The following CAPN10 variants were observed in gnomAD, a reference collection of about 807,000 sequenced individuals.
CAPN10 encodes calpain 10, also known as calpain-10.
CAPN10 carries 71 observed loss-of-function variants against 78.4 expected under a neutral mutation model. The observed-to-expected ratio is 0.91, with a 90% CI of 0.75 to 1.10. The LOEUF is 1.10. Ranked by LOEUF, CAPN10 falls within the 50% of genes least tolerant of loss-of-function variation. CAPN10 has a pLI of 0.00. For synonymous variants in CAPN10, 437 were observed against 407.2 expected (o/e 1.07, Z -0.88); for missense variants, 849 against 924.6 (o/e 0.92, Z 1.06).
In CAPN10 at chr2:240,598,631, C is replaced by T. The variant is rs369945902; in HGVS notation, c.1990-20C>T. 8.3e-5 allele frequency: 131 copies of T among 1,571,544 alleles called. No individual in the cohort carries two copies. The highest frequency in any genetic ancestry group is 1.2e-4 in the East Asian group (5 of 43,354). ...GGGGCGAGTGCCACCGCTGCCCGGG[C>T]CCCCCATCTGTCTTTGCAGGTCTCC... On this transcript the variant is annotated intron_variant, in intron 11 of 11. Transcript: ENST00000391984.
Position 240,591,987 on chromosome 2 carries a change from G to A in CAPN10, c.525G>A (p.Val175=). 1 of 1,613,538 alleles carries A rather than the reference G, an allele frequency of 6.2e-7. No homozygotes were observed. Among genetic ancestry groups the A allele is most frequent in the Non-Finnish European group, 8.5e-7 (1 of 1,180,010 alleles). ...LWAGQVADAL[V]DLTGGLAERW... ...CCGGGCAGGTGGCGGATGCCCTGGT[G>A]GACCTGACCGGCGGCCTGGCAGAAA... The change falls in exon 4 of 12, where the codon GTG becomes GTA. Residue 175 remains valine, a synonymous_variant. Coordinates refer to ENST00000391984, the MANE Select transcript of CAPN10 (RefSeq NM_023083.4).
chr2:240,592,043 G>A lies in CAPN10; in HGVS notation c.581G>A (p.Gly194Glu), dbSNP rs747279835. 6.2e-7 allele frequency: 1 copy of A among 1,612,436 alleles called. No individual in the cohort carries two copies. The highest frequency in any genetic ancestry group is 1.3e-5 in the African/African-American group (1 of 75,052). The change falls in exon 4 of 12, where the codon GGA becomes GAA. Residue 194 changes from glycine to glutamate, a missense_variant. By Grantham distance (98) the Gly-to-Glu change is moderately conservative (BLOSUM62 -2). Transcript: ENST00000391984. ...RWNLKGVAGS[G>E]GQQDRPGRWE... ...AACCTGAAGGGCGTAGCAGGAAGCG[G>A]AGGCCAGCAGGACAGGCCAGGCCGC...
At position 240,593,958 on chromosome 2, in the gene CAPN10, G is replaced by A; in HGVS notation, c.741G>A (p.Glu247=). 6.2e-7 allele frequency: 1 copy of A among 1,610,746 alleles called. No homozygotes were observed. The highest frequency in any genetic ancestry group is 8.5e-7 in the Non-Finnish European group (1 of 1,177,782). ...FHAFIVSDLR[E]LQGQAGQCIL... ...CCTTCATTGTCTCGGACCTGCGGGA[G>A]CTCCAGGGTCAGGCGGGCCAGTGCA... is the stretch of plus-strand genomic sequence containing the variant. Residue 247 remains glutamate (E), a synonymous_variant, in exon 5 of 12, where the codon GAG becomes GAA. Transcript: ENST00000391984.
intron 11 of CAPN10, 67 bp from the exon 12 acceptor site, chr2:240,598,584 C>A: frequency 6.6e-7 from 1 of 1,522,504 alleles, no homozygotes; most frequent in Non-Finnish European, 8.9e-7. Flanking sequence ...TCCCTGGCTG[C>A]ACTCGGGGTG....
At chr2:240,594,195 G>A in intron 5 of CAPN10, 148 bp downstream of exon 5, 5 of 880,796 alleles carry the variant, frequency 5.7e-6, no homozygotes, top group Non-Finnish European at 6.6e-6. Context: ...CACCATGCTT[G>A]TCTTGGCTCC....
In CAPN10 at chr2:240,595,277, C is replaced by G; in HGVS notation, c.1251C>G (p.Tyr417Ter). 1.9e-6 allele frequency: 3 copies of G among 1,613,526 alleles called. No homozygotes were observed. The highest frequency in any genetic ancestry group is 2.5e-6 in the Non-Finnish European group (3 of 1,180,030). ...CAGCGAGCATCCCGGGCAAGCACTA[C>G]CAGGCTGTGGGTCTGCACCTCTGGA... ...WSPASIPGKH[Y>*]QAVGLHLWKV... is the part of the protein sequence containing the mutation. The change falls in exon 7 of 12, where the codon TAC becomes TAG. Residue 417 changes from tyrosine (Y) to a stop codon, truncating the protein, a stop_gained. Transcript: ENST00000391984. LOFTEE classifies it high-confidence loss of function.
Position 240,596,455 on chromosome 2 carries a change from C to T in CAPN10, c.1415C>T (p.Thr472Ile). The stretch of plus-strand genomic sequence containing the variant: ...GGCTACTACCTGGCTGTCCCCAGCA[C>T]CTTCCTGAAGGACGCGCCAGGGGAG... ...SPGYYLAVPS[T>I]FLKDAPGEFL... The change falls in exon 8 of 12, where the codon ACC becomes ATC. Residue 472 changes from threonine (T) to isoleucine (I), a missense_variant. Thr to Ile is a moderately conservative substitution (Grantham distance 89). Coordinates refer to ENST00000391984, the MANE Select transcript of CAPN10 (RefSeq NM_023083.4). 1 of 1,613,526 alleles carries T rather than the reference C, an allele frequency of 6.2e-7. No homozygotes were observed.
At chr2:240,592,429 C>G (rs907277283) in intron 4 of CAPN10, 10 of 686,122 alleles carry the variant, frequency 1.5e-5, no homozygotes, top group Admixed American at 1.4e-4. Flanking sequence ...CTGTGCCATC[C>G]CTGGCCCAGC....
rs1164714442 is a variant in CAPN10, at chr2:240,586,850, C to T, written c.-62C>T. ...CCGGAGGCGGCGGCGGCTGACTCGC[C>T]TTCTCTCCGGGGCTGCGACCCCGAG... is the stretch of plus-strand genomic sequence containing the variant. On this transcript the variant is annotated 5_prime_UTR_variant, in exon 1 of 12. Coordinates refer to ENST00000391984, the MANE Select transcript of CAPN10 (RefSeq NM_023083.4). 3.8e-6 allele frequency: 5 copies of T among 1,300,464 alleles called. No individual in the cohort carries two copies. The highest frequency in any genetic ancestry group is 4.9e-6 in the Non-Finnish European group (5 of 1,026,674). The allele number at this position is 1,300,464 out of a possible 1,614,324, so 80.6% of individuals were successfully genotyped here.
rs1206897449 is a variant in CAPN10, at chr2:240,595,085, A to T, written c.1059A>T (p.Gly353=). 1.2e-6 allele frequency: 2 copies of T among 1,613,600 alleles called. No individual in the cohort carries two copies. The highest frequency in any genetic ancestry group is 1.3e-5 in the African/African-American group (1 of 74,932). The part of the protein sequence containing the change: ...PGAWVKGQSA[G]GCRNNSGFPS... ...CCTGGGTCAAGGGCCAGTCAGCAGG[A>T]GGCTGCCGGAACAACAGCGGCTTTC... Residue 353 remains glycine, a synonymous_variant, in exon 7 of 12, where the codon GGA becomes GGT. Transcript: ENST00000391984.
In CAPN10 at chr2:240,596,948, C is replaced by G. The variant is rs1169617000; in HGVS notation, c.1743+6C>G. On this transcript the variant is annotated splice_donor_region_variant and intron_variant, in intron 9 of 11. Coordinates refer to ENST00000391984, the MANE Select transcript of CAPN10 (RefSeq NM_023083.4). ...TCGGCTTCCATATCTTCCAGGCAAG[C>G]TCCTTGCCCCAGGGAGGGAGGGGGA... 1.2e-6 allele frequency: 2 copies of G among 1,613,424 alleles called. No individual in the cohort carries two copies. The highest frequency in any genetic ancestry group is 1.7e-5 in the Admixed American group (1 of 60,024).
intron 8 of CAPN10, 23 bp from the exon 9 acceptor site, chr2:240,596,658 T>C (rs1452787507): frequency 6.5e-7 from 1 of 1,532,282 alleles, no homozygotes; most frequent in South Asian, 1.3e-5. Flanking sequence ...GCCAGCGCCC[T>C]CCCATGTTTG....
At chr2:240,588,297 C>A (rs2093080811) in intron 1 of CAPN10, among the ~76,000 whole-genome samples, 1 of 151,022 alleles carries the variant, frequency 6.6e-6, no homozygotes, top group Non-Finnish European at 1.5e-5. Flanking sequence ...GGAGGCGGAG[C>A]ATATTAGATG....
In CAPN10 at chr2:240,589,485, C is replaced by A; in HGVS notation, c.273+11C>A. The A allele has an allele frequency of 6.2e-7, 1 of 1,606,202 alleles. No homozygotes were observed. The highest frequency in any genetic ancestry group is 8.5e-7 in the Non-Finnish European group (1 of 1,176,774). The stretch of plus-strand genomic sequence containing the variant: ...CACCTCCTGGACCAGGTGCGGGGCC[C>A]CTTCCCTGTGTTTGTCCTGGAGCCG... On this transcript the variant is annotated intron_variant, in intron 2 of 11. Transcript: ENST00000391984.
Position 240,590,845 on chromosome 2 carries a change from GACCAGGAGT to G in CAPN10, c.308_316del (p.Gln103_Tyr105del). 6.2e-7 allele frequency: 1 copy of G among 1,614,154 alleles called. No homozygotes were observed. The highest frequency in any genetic ancestry group is 8.5e-7 in the Non-Finnish European group (1 of 1,180,032). ...TCCTCCGGGACAGCCGAGCTGGGCC[GACCAGGAGT>G]ACCGGGGCTCCTTCACCTGTCGCAT... On this transcript the variant is annotated inframe_deletion, in exon 3 of 12. Coordinates refer to ENST00000391984, the MANE Select transcript of CAPN10 (RefSeq NM_023083.4).
At chr2:240,598,229 C>T (rs1448846703) in intron 10 of CAPN10, 123 bp from the exon 11 acceptor site, 3 of 1,414,628 alleles carry the variant, frequency 2.1e-6, no homozygotes, top group East Asian at 2.3e-5. Flanking sequence ...TCCTGCCTAC[C>T]TGGGGACCCT....
At chr2:240,592,214 C>A in intron 4 of CAPN10, 64 bp downstream of exon 4, 1 of 1,353,704 alleles carries the variant, frequency 7.4e-7, no homozygotes, top group South Asian at 1.3e-5. Flanking sequence ...AGGCCTCAGG[C>A]ACACTGTAGC....
chr2:240,591,811 G>A (rs2093103438), intron 3 of CAPN10, 122 bp from the exon 4 acceptor site: 2 of 783,214 alleles, frequency 2.6e-6, no homozygotes, highest in Non-Finnish European at 2.1e-6. Context: ...AAGGCAGAGG[G>A]GAGTAAAGAG....
At chr2:240,589,563 CA>C in intron 2 of CAPN10, 89 bp downstream of exon 2, 1 of 1,473,888 alleles carries the variant, frequency 6.8e-7, no homozygotes, top group Non-Finnish European at 9.1e-7. Flanking sequence ...CTTGCGAAAG[CA>C]GAGCTGTGCC....
Sources: allele counts gnomAD v4.1 joint callset (sites outside exome capture counted in the v4.1 genomes callset), GRCh38; gene constraint gnomAD v4.1.1; transcripts MANE v1.5; gene names NCBI Gene and HGNC (gene_info 2026-07-23, HGNC 2026-07-21).